The following PUM3 variants were observed in gnomAD, a reference collection of about 807,000 sequenced individuals.
The protein encoded by PUM3 is pumilio homolog 3.
PUM3 carries 91 observed loss-of-function variants against 84.0 expected under a neutral mutation model. That is an observed-to-expected ratio of 1.08 (90% CI 0.91 to 1.29). The LOEUF (loss-of-function observed/expected upper bound fraction) is 1.29, where lower values mean the gene tolerates loss of function less well. PUM3 is among the 50% of genes most tolerant of loss of function. The probability of loss-of-function intolerance (pLI) is 0.00; values close to 1 mark genes in which losing one functional copy is unlikely to be tolerated. For synonymous variants in PUM3, 321 were observed against 266.7 expected, an observed-to-expected ratio of 1.20 and a Z score of -1.98; for missense variants, 1,067 against 767.5, an observed-to-expected ratio of 1.39 and a Z score of -4.61.
chr9:2,830,994 C>G lies in PUM3; in HGVS notation c.645G>C (p.Ser215=). The part of the protein sequence containing the change: ...DLVELSKAKY[S]RNIVKKFLMY... ...TGAGAAATTTCTTAACAATATTTCT[C>G]GAATATTTGGCTTTACTTAACTCAA... Residue 215 remains serine (S), a synonymous_variant, in exon 7 of 18, where the codon TCG becomes TCC. Coordinates refer to ENST00000397885, the MANE Select transcript of PUM3 (RefSeq NM_014878.5). 6.7e-7 allele frequency: 1 copy of G among 1,489,580 alleles called. No homozygotes were observed. The highest frequency in any genetic ancestry group is 9.3e-7 in the Non-Finnish European group (1 of 1,073,228). The allele number at this position is 1,489,580 out of a possible 1,614,324, so 92.3% of individuals were successfully genotyped here. A position where few individuals can be genotyped will look rare whatever the true frequency, so the allele number is the denominator to read the frequency against.
intron 12 of PUM3, 56 bp downstream of exon 12, chr9:2,823,725 C>T: frequency 1.4e-6 from 1 of 728,150 alleles, no homozygotes; most frequent in South Asian, 2.7e-5. Flanking sequence ...CTATAATAGA[C>T]ATGAATTCAT....
At chr9:2,807,171 G>A (rs1205402989) in intron 17 of PUM3, among the ~76,000 whole-genome samples, 4 of 151,962 alleles carry the variant, frequency 2.6e-5, no homozygotes, top group South Asian at 2.1e-4. Flanking sequence ...TCGCACCACT[G>A]CACTCCAGCC....
chr9:2,817,045 A>G (rs1340395020), intron 13 of PUM3, among the ~76,000 whole-genome samples: 1 of 152,238 alleles, frequency 6.6e-6, no homozygotes, highest in Non-Finnish European at 1.5e-5. Context: ...ATAAACATAC[A>G]TGCAGCAAAT....
rs1031319757 is a variant in PUM3 at position 2,811,385 on chromosome 9, C to A, written c.1611G>T (p.Leu537=). 6.2e-7 allele frequency: 1 copy of A among 1,613,984 alleles called. No homozygotes were observed. Among genetic ancestry groups the A allele is most frequent in the East Asian group, 2.2e-5 (1 of 44,872 alleles). ...NAIASLAATG[L]HPGGKDGELH... The stretch of plus-strand genomic sequence containing the variant: ...CCTCTCCGTCCTTGCCACCAGGATG[C>A]AGTCCTGTTGCTGCCAAGCTGGCGA... The change falls in exon 15 of 18, where the codon CTG becomes CTT. Residue 537 remains leucine, a synonymous_variant. Transcript: ENST00000397885.
chr9:2,833,387 C>G lies in PUM3; in HGVS notation c.486G>C (p.Leu162Phe), dbSNP rs1321387772. The G allele has an allele frequency of 6.3e-7, 1 of 1,593,810 alleles. No homozygotes were observed. Among genetic ancestry groups the G allele is most frequent in the East Asian group, 2.2e-5 (1 of 44,516 alleles). The change falls in exon 5 of 18, where the codon TTG (leucine) becomes TTC (phenylalanine). Residue 162 changes from leucine (L) to phenylalanine (F), a missense_variant. Coordinates refer to ENST00000397885, the MANE Select transcript of PUM3 (RefSeq NM_014878.5). ...KEKRVKLMSD[L>F]QKLIQGKIKT... ...TAATTTTCCCTTGAATCAACTTCTG[C>G]AAATCACTCATTAACTTTACTCTTT...
intron 1 of PUM3, among the ~76,000 whole-genome samples, chr9:2,843,515 C>T (rs968270217): frequency 6.6e-6 from 1 of 151,872 alleles, no homozygotes; most frequent in Non-Finnish European, 1.5e-5. Context: ...TGAAGCTAGT[C>T]CACTCTAACC....
rs975912394 is a variant in PUM3, at chr9:2,811,267, C to G, written c.1635+94G>C. The G allele has an allele frequency of 5.3e-6, 5 of 948,078 alleles. No individual in the cohort carries two copies. The African/African-American group carries it at 8.1e-5, about 15-fold the overall frequency. The allele number at this position is 948,078 out of a possible 1,614,324, so 58.7% of individuals were successfully genotyped here. A position where few individuals can be genotyped will look rare whatever the true frequency, so the allele number is the denominator to read the frequency against. ...GGTTGTTTATTCAACAGGTATCTCC[C>G]TCCCCAGCTTTCTTACTGACACCCC... On this transcript the variant is annotated intron_variant, in intron 15 of 17. Coordinates refer to ENST00000397885, the MANE Select transcript of PUM3 (RefSeq NM_014878.5).
At chr9:2,816,398 T>G (rs1451408031) in intron 13 of PUM3, among the ~76,000 whole-genome samples, 1 of 152,232 alleles carries the variant, frequency 6.6e-6, no homozygotes, top group African/African-American at 2.4e-5. Context: ...GTGGGTACGC[T>G]GCTTCATTCA....
intron 3 of PUM3, among the ~76,000 whole-genome samples, chr9:2,836,089 C>G (rs1168484468): frequency 2.0e-5 from 3 of 152,076 alleles, no homozygotes; most frequent in Non-Finnish European, 2.9e-5. Flanking sequence ...AAGACTGGAG[C>G]ATGAAAAGAT....
chr9:2,804,648 C>T (rs1032850353), intron 17 of PUM3, among the ~76,000 whole-genome samples, 185 bp from the exon 18 acceptor site: 2 of 152,084 alleles, frequency 1.3e-5, no homozygotes, highest in African/African-American at 2.4e-5. Context: ...CGGAAAAAAA[C>T]GTTTTAGAAT....
In PUM3 at chr9:2,820,098, C is replaced by T. The variant is rs1289087880; in HGVS notation, c.1189G>A (p.Gly397Ser). 8 of 1,606,434 alleles carry T rather than the reference C, an allele frequency of 5.0e-6. No individual in the cohort carries two copies. The highest frequency in any genetic ancestry group is 1.3e-5 in the African/African-American group (1 of 74,552). The change falls in exon 13 of 18, where the codon GGC becomes AGC. Residue 397 changes from glycine to serine, a missense_variant and splice_region_variant. Coordinates refer to ENST00000397885, the MANE Select transcript of PUM3 (RefSeq NM_014878.5). ...AGTAAAACCAAATGGGAGTATTGGC[C>T]CTGCAAGAATTGGAAGCCAGCAAAG... ...MKTYVEKVAN[G>S]QYSHLVLLAA...
intron 12 of PUM3, among the ~76,000 whole-genome samples, chr9:2,822,997 G>C (rs751823328): frequency 6.6e-6 from 1 of 151,608 alleles, no homozygotes; most frequent in East Asian, 1.9e-4. Context: ...GATGCTAGTA[G>C]TTCTCACTGG....
Position 2,812,360 on chromosome 9 carries a change from T to C in PUM3, c.1272A>G (p.Glu424=). The change falls in exon 14 of 18, where the codon GAA becomes GAG. Residue 424 remains glutamate (E), a splice_region_variant and synonymous_variant. Transcript: ENST00000397885. ...CTATGCTAGGCAATGAACTGATAATTTCCTATAAAATTATAAACAAAAAAA... is the reference window on the plus strand; with the variant it reads ...CTATGCTAGGCAATGAACTGATAATCTCCTATAAAATTATAAACAAAAAAA... ...TKLVKQIIIS[E]IISSLPSIVN... is the part of the protein sequence containing the mutation. The C allele has an allele frequency of 6.4e-7, 1 of 1,558,318 alleles. No homozygotes were observed. The highest frequency in any genetic ancestry group is 8.8e-7 in the Non-Finnish European group (1 of 1,140,986).
intron 9 of PUM3, chr9:2,828,458 G>T: frequency 4.5e-6 from 2 of 445,030 alleles, no homozygotes; most frequent in Non-Finnish European, 7.9e-6. Context: ...CATAAATCAC[G>T]AATGCATGTT....
intron 12 of PUM3, among the ~76,000 whole-genome samples, chr9:2,823,233 T>C (rs73639225): frequency 0.02 from 2,971 of 152,170 alleles, 106 homozygotes; most frequent in African/African-American, 0.067. Context: ...GAAAAAACTT[T>C]TGTACCTATG....
chr9:2,828,652 C>T (rs763658753), intron 9 of PUM3, 23 bp downstream of exon 9: 1 of 1,403,460 alleles, frequency 7.1e-7, no homozygotes. Flanking sequence ...TTCTTAAGAA[C>T]AAAACAAAAA....
chr9:2,828,021 T>A (rs1300174209), intron 9 of PUM3, among the ~76,000 whole-genome samples: 1 of 152,020 alleles, frequency 6.6e-6, no homozygotes, highest in South Asian at 2.1e-4. Flanking sequence ...GGCTTCCAAG[T>A]CTTACAATCC....
chr9:2,843,313 C>T (rs1816317195), intron 1 of PUM3, among the ~76,000 whole-genome samples: 1 of 152,078 alleles, frequency 6.6e-6, no homozygotes, highest in Non-Finnish European at 1.5e-5. Context: ...TTGAAGTACT[C>T]CCTGAGCTTC....
At chr9:2,828,563 T>G (rs773457579) in intron 9 of PUM3, 112 bp downstream of exon 9, 2 of 661,242 alleles carry the variant, frequency 3.0e-6, no homozygotes, top group Non-Finnish European at 2.6e-6. Flanking sequence ...TTATTTAGAA[T>G]AGATTAATAC....
Sources: allele counts gnomAD v4.1 joint callset (sites outside exome capture counted in the v4.1 genomes callset), GRCh38; gene constraint gnomAD v4.1.1; transcripts MANE v1.5; gene names NCBI Gene and HGNC (gene_info 2026-07-23, HGNC 2026-07-21).